GAD2: variants seen among roughly 807,000 people sequenced by gnomAD.
GAD2 encodes 65 kDa glutamic acid decarboxylase.
GAD2 carries 22 observed loss-of-function variants against 80.1 expected under a neutral mutation model. The ratio of observed to expected loss-of-function variants is 0.27; its 90% CI spans 0.20 to 0.39. The LOEUF is 0.39. GAD2 is among the 10% of genes least tolerant of loss of function. The pLI, the probability that GAD2 is intolerant of heterozygous loss-of-function variation, is 1.00. For missense variants in GAD2, 624 were observed against 738.4 expected, an observed-to-expected ratio of 0.85 and a Z score of 1.80; for synonymous variants, 274 against 256.9, an observed-to-expected ratio of 1.07 and a Z score of -0.64.
chr10:26,281,351 G>C (rs1282933605), intron 12 of GAD2, among the ~76,000 whole-genome samples: 1 of 152,062 alleles, frequency 6.6e-6, no homozygotes, highest in Non-Finnish European at 1.5e-5. Flanking sequence ...TTCCTCAACT[G>C]TTCCTGCATT....
chr10:26,225,715 G>A (rs941726590), intron 6 of GAD2, among the ~76,000 whole-genome samples: 2 of 152,218 alleles, frequency 1.3e-5, no homozygotes, highest in Admixed American at 6.5e-5. Context: ...ATGTTTGCCT[G>A]CAAGCTCTGG....
chr10:26,286,212 A>T (rs960353460), intron 12 of GAD2, 133 bp from the exon 13 acceptor site: 72 of 820,180 alleles, frequency 8.8e-5, no homozygotes, highest in Middle Eastern at 7.3e-4. Context: ...TCTTTTTTTT[A>T]AAATTGATTC....
At chr10:26,245,767 A>G (rs1423493273) in intron 7 of GAD2, among the ~76,000 whole-genome samples, 154 bp from the exon 8 acceptor site, 2 of 152,208 alleles carry the variant, frequency 1.3e-5, no homozygotes, top group Non-Finnish European at 2.9e-5. Flanking sequence ...TTAAAAAAGC[A>G]CAAGTGAAGG....
chr10:26,259,877 TG>T (rs1844988707), intron 8 of GAD2, among the ~76,000 whole-genome samples: 2 of 152,214 alleles, frequency 1.3e-5, no homozygotes, highest in African/African-American at 4.8e-5. Flanking sequence ...TGAGTTAATT[TG>T]TATTTTGTTG....
chr10:26,228,133 G>T (rs1332849118), intron 6 of GAD2, among the ~76,000 whole-genome samples: 3 of 152,236 alleles, frequency 2.0e-5, no homozygotes, highest in South Asian at 4.1e-4. Flanking sequence ...TGGTCAGGAG[G>T]TAGAGGCAGT....
intron 12 of GAD2, among the ~76,000 whole-genome samples, chr10:26,281,514 ATATG>A (rs764391983): frequency 1.4e-4 from 22 of 152,176 alleles, no homozygotes; most frequent in Non-Finnish European, 2.8e-4. Flanking sequence ...CATAACATGT[ATATG>A]TATGTGTGCA....
chr10:26,276,515 G>A (rs1231375351), intron 11 of GAD2, among the ~76,000 whole-genome samples: 1 of 152,082 alleles, frequency 6.6e-6, no homozygotes, highest in Non-Finnish European at 1.5e-5. Flanking sequence ...CTGAGTAGCT[G>A]GGGTTACAGG....
In GAD2 at chr10:26,224,650, C is replaced by T. The variant is rs981383813; in HGVS notation, c.723C>T (p.Pro241=). Reference sequence around the variant, plus strand: ...GCTCTGGCGATGGGATATTTTCTCCCGGTACATGATATTTCAACTTTCTTT... The same window carrying T: ...GCTCTGGCGATGGGATATTTTCTCCTGGTACATGATATTTCAACTTTCTTT... ...PGGSGDGIFS[P]GGAISNMYAM... is the part of the protein sequence containing the mutation. The change falls in exon 6 of 16, where the codon CCC becomes CCT. Residue 241 remains proline, a splice_region_variant and synonymous_variant. Transcript: ENST00000376261. 28 of 1,595,682 alleles carry T rather than the reference C, an allele frequency of 1.8e-5. No homozygotes were observed. Among genetic ancestry groups the T allele is most frequent in the Non-Finnish European group, 2.2e-5 (26 of 1,163,554 alleles).
chr10:26,237,225 G>A (rs915411531), intron 7 of GAD2, among the ~76,000 whole-genome samples: 5 of 152,144 alleles, frequency 3.3e-5, no homozygotes, highest in African/African-American at 7.2e-5. Flanking sequence ...GCCAGGTGAC[G>A]GATGCTCCCT....
intron 8 of GAD2, among the ~76,000 whole-genome samples, chr10:26,254,384 T>C (rs1275457249): frequency 6.6e-6 from 1 of 152,164 alleles, no homozygotes; most frequent in African/African-American, 2.4e-5. Flanking sequence ...CCTATGAGAA[T>C]CTAATGCCAC....
chr10:26,227,904 G>A (rs2132274571), intron 6 of GAD2, among the ~76,000 whole-genome samples: 1 of 152,360 alleles, frequency 6.6e-6, no homozygotes, highest in African/African-American at 2.4e-5. Context: ...AGAAAGGAAG[G>A]AATCGCCCTG....
At chr10:26,243,048 C>CCG (rs1844763197) in intron 7 of GAD2, among the ~76,000 whole-genome samples, 1 of 152,118 alleles carries the variant, frequency 6.6e-6, no homozygotes, top group African/African-American at 2.4e-5. Flanking sequence ...AAAAACCCCC[C>CCG]CCCTTTTTTT....
chr10:26,222,797 T>G (rs771569813), intron 4 of GAD2, among the ~76,000 whole-genome samples: 1 of 152,264 alleles, frequency 6.6e-6, no homozygotes, highest in Non-Finnish European at 1.5e-5. Context: ...CTTTTGTCCC[T>G]GCTCTTCCCC....
At chr10:26,244,825 A>G (rs113015913) in intron 7 of GAD2, among the ~76,000 whole-genome samples, 2,650 of 152,266 alleles carry the variant, frequency 0.017, 78 homozygotes, top group African/African-American at 0.058. Flanking sequence ...AACACTGTGA[A>G]TATATTTGAA....
intron 8 of GAD2, among the ~76,000 whole-genome samples, chr10:26,257,534 A>G (rs1212038523): frequency 1.3e-5 from 2 of 152,330 alleles, no homozygotes; most frequent in East Asian, 3.9e-4. Context: ...TCTGACCAAG[A>G]CGCATGATAC....
At chr10:26,284,614 T>C (rs1845309626) in intron 12 of GAD2, among the ~76,000 whole-genome samples, 1 of 134,742 alleles carries the variant, frequency 7.4e-6, no homozygotes, top group Non-Finnish European at 1.6e-5. Flanking sequence ...CTCTGTCGCC[T>C]AGGCTGAAGT....
chr10:26,253,192 G>A (rs527995420), intron 8 of GAD2, among the ~76,000 whole-genome samples: 2 of 152,108 alleles, frequency 1.3e-5, no homozygotes, highest in Non-Finnish European at 2.9e-5. Flanking sequence ...TTGATGTGAA[G>A]CATTATAACT....
intron 8 of GAD2, among the ~76,000 whole-genome samples, chr10:26,251,980 G>T (rs1267180096): frequency 6.6e-6 from 1 of 152,142 alleles, no homozygotes; most frequent in African/African-American, 2.4e-5. Context: ...AAACACTCTC[G>T]GCAGCCATTT....
At chr10:26,221,705 G>C (rs138448514) in intron 4 of GAD2, among the ~76,000 whole-genome samples, 1 of 152,208 alleles carries the variant, frequency 6.6e-6, no homozygotes, top group African/African-American at 2.4e-5. Flanking sequence ...GCATCCTTCC[G>C]GGCTCATTTG....
Sources: gnomAD v4.1 joint callset for allele counts (sites outside exome capture counted in the v4.1 genomes callset) on GRCh38, gnomAD v4.1.1 for gene constraint, MANE v1.5 for transcripts, NCBI Gene and HGNC (gene_info 2026-07-23, HGNC 2026-07-21) for gene names.